Variants in COL19A1 observed in about 807,000 individuals in gnomAD.
The protein encoded by COL19A1 is collagen type XIX alpha 1 chain.
In COL19A1, 159 loss-of-function variants were observed where a neutral mutation model predicts 190.2. The observed-to-expected ratio is 0.84, with a 90% CI of 0.73 to 0.95. COL19A1 has a LOEUF of 0.95. COL19A1 is among the 40% of genes least tolerant of loss of function. The pLI is 0.00. For synonymous variants in COL19A1, 509 were observed against 458.9 expected (o/e 1.11, Z -1.39); for missense variants, 1,418 against 1,431.9 (o/e 0.99, Z 0.16).
At chr6:70,029,081 C>A (rs1421662638) in intron 12 of COL19A1, among the ~76,000 whole-genome samples, 1 of 151,988 alleles carries the variant, frequency 6.6e-6, no homozygotes, top group Admixed American at 6.6e-5. Context: ...TCTCCTTATA[C>A]CAATGCAATC....
At chr6:69,912,205 T>C (rs1770977003) in intron 4 of COL19A1, among the ~76,000 whole-genome samples, 1 of 152,202 alleles carries the variant, frequency 6.6e-6, no homozygotes, top group South Asian at 2.1e-4. Context: ...CTAATGTCCT[T>C]CAAGTTTCCT....
intron 15 of COL19A1, among the ~76,000 whole-genome samples, chr6:70,069,529 T>C (rs1378403619): frequency 6.6e-6 from 1 of 152,078 alleles, no homozygotes; most frequent in East Asian, 1.9e-4. Flanking sequence ...CTTTCCAGAG[T>C]TGTCGAGAAT....
intron 11 of COL19A1, among the ~76,000 whole-genome samples, chr6:69,967,675 C>T (rs1423948629): frequency 1.3e-5 from 2 of 151,834 alleles, no homozygotes; most frequent in East Asian, 1.9e-4. Context: ...TTCTTCTTAC[C>T]AAAATATAAT....
At chr6:69,954,270 C>T (rs936430681) in intron 9 of COL19A1, among the ~76,000 whole-genome samples, 1 of 151,960 alleles carries the variant, frequency 6.6e-6, no homozygotes, top group East Asian at 1.9e-4. Context: ...TGTCTATACA[C>T]CCTGCTAAAA....
rs1562096140 is a variant in COL19A1 at position 70,024,616 on chromosome 6, G to GTGT, written c.1080+936_1080+937insTGT. 1.1e-4 allele frequency among the ~76,000 whole-genome samples: 13 copies of GTGT among 120,108 alleles called. No homozygotes were observed. In the East Asian group the frequency reaches 1.5e-3, roughly 14 times the overall value. 78.8% of individuals were successfully genotyped at this position (120,108 alleles called of 152,430 possible). On this transcript the variant is annotated intron_variant, in intron 12 of 50. Transcript: ENST00000620364. The stretch of plus-strand genomic sequence containing the variant: ...GTGTGTGTGTGTGTGTGTGTGTGTG[G>GTGT]GTGTGTGGGTGTGTGTGTGTGGAGT...
intron 14 of COL19A1, among the ~76,000 whole-genome samples, chr6:70,058,544 A>G (rs913108323): frequency 3.3e-5 from 5 of 152,036 alleles, no homozygotes; most frequent in African/African-American, 2.4e-5. Context: ...TGTTTCACAG[A>G]TATCTATTTC....
intron 11 of COL19A1, among the ~76,000 whole-genome samples, chr6:69,971,391 C>G (rs3793033): frequency 0.22 from 33,531 of 151,956 alleles, 6,262 homozygotes; most frequent in African/African-American, 0.5. Flanking sequence ...GTTGGAGTTT[C>G]CTGAAGAGTT....
chr6:70,032,437 A>G (rs934788604), intron 12 of COL19A1, among the ~76,000 whole-genome samples: 6 of 152,282 alleles, frequency 3.9e-5, no homozygotes, highest in African/African-American at 1.4e-4. Context: ...CTAAAGTCGT[A>G]CTAATCAATA....
chr6:69,909,218 AT>A (rs1770748352), intron 4 of COL19A1, among the ~76,000 whole-genome samples: 1 of 152,088 alleles, frequency 6.6e-6, no homozygotes, highest in Admixed American at 6.6e-5. Context: ...GTAGGTTCTC[AT>A]TTCTGAGGAA....
chr6:69,924,148 AATGTGCAGGTTTGTTACAT>A (rs2150005837), intron 4 of COL19A1, among the ~76,000 whole-genome samples: 1 of 152,206 alleles, frequency 6.6e-6, no homozygotes, highest in South Asian at 2.1e-4. Context: ...ACATGTGCAC[AATGTGCAGGTTTGTTACAT>A]ATGTATACAT....
rs1390167126 is a variant in COL19A1 at position 70,020,812 on chromosome 6, GA to G, written c.1027-2814del. On this transcript the variant is annotated intron_variant, in intron 11 of 50. Transcript: ENST00000620364. ...ATTGTCAATTGTACTGAGATTAAGG[GA>G]CCTTAAGAGATGATAGATGGATGGA... is the stretch of plus-strand genomic sequence containing the variant. Among the ~76,000 whole-genome samples, 11 of 152,176 alleles carry G rather than the reference GA, an allele frequency of 7.2e-5. No individual in the cohort carries two copies. The East Asian group carries it at 2.1e-3, about 29-fold the overall frequency.
chr6:70,114,307 A>G (rs1784443193), intron 16 of COL19A1, among the ~76,000 whole-genome samples: 1 of 152,308 alleles, frequency 6.6e-6, no homozygotes, highest in Admixed American at 6.5e-5. Context: ...TTTTCCCATC[A>G]TCCTTCTCAC....
intron 2 of COL19A1, among the ~76,000 whole-genome samples, chr6:69,886,854 C>T (rs2149953868): frequency 6.6e-6 from 1 of 152,178 alleles, no homozygotes; most frequent in South Asian, 2.1e-4. Context: ...TAGCTATTTC[C>T]ACTGCCTTGC....
chr6:70,180,002 G>T (rs983829038), intron 42 of COL19A1, among the ~76,000 whole-genome samples: 2 of 152,002 alleles, frequency 1.3e-5, no homozygotes, highest in African/African-American at 4.8e-5. Context: ...CCTGCCTCGG[G>T]CTCCCGAGTA....
chr6:69,913,753 T>TA (rs927791866), intron 4 of COL19A1, among the ~76,000 whole-genome samples: 1 of 151,716 alleles, frequency 6.6e-6, no homozygotes, highest in African/African-American at 2.4e-5. Flanking sequence ...ATTCATATTT[T>TA]AAAAAAAAGT....
At position 70,145,951 on chromosome 6, in the gene COL19A1, G is replaced by T. The variant is rs1455460808; in HGVS notation, c.1771-708G>T. Among the ~76,000 whole-genome samples the T allele has an allele frequency of 3.3e-5, 5 of 151,816 alleles. No homozygotes were observed. The East Asian group carries it at 9.7e-4, about 29-fold the overall frequency. Reference sequence around the variant, plus strand: ...GTCCATGCTGGTCTTGAACTCCTGAGCTCAAGTGATCTACCCATCTCGGCC... The same window carrying T: ...GTCCATGCTGGTCTTGAACTCCTGATCTCAAGTGATCTACCCATCTCGGCC... On this transcript the variant is annotated intron_variant, in intron 25 of 50. Coordinates refer to ENST00000620364, the MANE Select transcript of COL19A1 (RefSeq NM_001858.6).
chr6:69,900,433 C>T (rs1770106879), intron 4 of COL19A1, 95 bp downstream of exon 4: 1 of 633,610 alleles, frequency 1.6e-6, no homozygotes, highest in South Asian at 3.1e-5. Flanking sequence ...TAAAGTTTCT[C>T]AATAGCATCA....
intron 4 of COL19A1, among the ~76,000 whole-genome samples, chr6:69,922,398 C>A (rs910461520): frequency 2.7e-5 from 4 of 149,730 alleles, no homozygotes; most frequent in Non-Finnish European, 5.9e-5. Flanking sequence ...TTTGTCACAG[C>A]AGAAACTACT....
intron 18 of COL19A1, among the ~76,000 whole-genome samples, chr6:70,130,736 G>A (rs73746870): frequency 0.021 from 3,191 of 152,326 alleles, 101 homozygotes; most frequent in African/African-American, 0.072. Flanking sequence ...AGTAGCAGTT[G>A]GCTATAAGAA....
Sources: gnomAD v4.1 joint callset for allele counts (sites outside exome capture counted in the v4.1 genomes callset) on GRCh38, gnomAD v4.1.1 for gene constraint, MANE v1.5 for transcripts, NCBI Gene and HGNC (gene_info 2026-07-23, HGNC 2026-07-21) for gene names.